ACTR3: variants seen among roughly 807,000 people sequenced by gnomAD.
The protein encoded by ACTR3 is actin related protein 3, also known as actin-related protein 3.
Under a neutral mutation model 56.8 loss-of-function variants are expected in ACTR3, and 12 were observed. The observed-to-expected ratio is 0.21, with a 90% CI of 0.14 to 0.34. The LOEUF (loss-of-function observed/expected upper bound fraction) is 0.34, where lower values mean the gene tolerates loss of function less well. ACTR3 is among the 10% of genes least tolerant of loss of function. ACTR3 has a pLI of 1.00. For missense variants in ACTR3, 282 were observed against 512.5 expected (o/e 0.55, Z 4.34); for synonymous variants, 162 against 167.4 (o/e 0.97, Z 0.25).
chr2:113,895,440 T>C (rs1282318818), intron 1 of ACTR3, among the ~76,000 whole-genome samples: 1 of 152,138 alleles, frequency 6.6e-6, no homozygotes, highest in African/African-American at 2.4e-5. Flanking sequence ...GTTGTATGAA[T>C]GAATGAACAA....
chr2:113,928,715 T>C (rs1574369290), intron 4 of ACTR3, among the ~76,000 whole-genome samples: 1 of 143,914 alleles, frequency 6.9e-6, no homozygotes, highest in South Asian at 2.2e-4. Flanking sequence ...TTTTTTTTTT[T>C]ACCAAAACAG....
intron 8 of ACTR3, among the ~76,000 whole-genome samples, chr2:113,948,032 CTTTCTCTTGTTTTGTA>C (rs1444184255): frequency 1.3e-5 from 2 of 152,080 alleles, no homozygotes; most frequent in East Asian, 3.9e-4. Flanking sequence ...CTGCATGTTT[CTTTCTCTTGTTTTGTA>C]TTTCTAGAGG....
At chr2:113,942,845 TAAG>T (rs1679949560) in intron 8 of ACTR3, among the ~76,000 whole-genome samples, 1 of 152,170 alleles carries the variant, frequency 6.6e-6, no homozygotes, top group African/African-American at 2.4e-5. Flanking sequence ...TTTATTAAAT[TAAG>T]AAATACATAC....
rs139721258 is a variant in ACTR3 at position 113,923,318 on chromosome 2, A to ATTTGTTTG, written c.226-3999_226-3992dup. Among the ~76,000 whole-genome samples the ATTTGTTTG allele has an allele frequency of 5.3e-3, 290 of 54,746 alleles. 1 individual carries two copies. Among genetic ancestry groups the ATTTGTTTG allele is most frequent in the African/African-American group, 9.7e-3 (263 of 27,092 alleles). The allele number at this position is 54,746 out of a possible 152,430, so 35.9% of individuals were successfully genotyped here. ...AATGGTTATCTTCCTAACATGGAAT[A>ATTTGTTTG]TTTGTTTGTTTGTTTGTTTGTTTGT... On this transcript the variant is annotated intron_variant, in intron 3 of 11. Transcript: ENST00000263238.
intron 1 of ACTR3, among the ~76,000 whole-genome samples, chr2:113,900,972 T>C (rs968253485): frequency 6.6e-6 from 1 of 152,248 alleles, no homozygotes; most frequent in African/African-American, 2.4e-5. Flanking sequence ...ATAGCTAATA[T>C]TGTCTTACTC....
intron 4 of ACTR3, 57 bp from the exon 5 acceptor site, chr2:113,931,244 A>T: frequency 9.1e-7 from 1 of 1,100,406 alleles, no homozygotes. Context: ...AAAATTGTCA[A>T]GAAAGTTATC....
chr2:113,935,530 A>G (rs958453688), intron 6 of ACTR3, among the ~76,000 whole-genome samples: 11 of 152,216 alleles, frequency 7.2e-5, no homozygotes, highest in Admixed American at 6.5e-5. Flanking sequence ...TTTAGCACGT[A>G]TAGTATTTCA....
chr2:113,903,120 T>G (rs1427733671), intron 1 of ACTR3, among the ~76,000 whole-genome samples: 3 of 152,238 alleles, frequency 2.0e-5, no homozygotes, highest in Non-Finnish European at 4.4e-5. Context: ...GAAACTTGTA[T>G]ACATTGATCA....
intron 3 of ACTR3, among the ~76,000 whole-genome samples, chr2:113,925,222 G>A (rs1679595535): frequency 7.3e-6 from 1 of 136,526 alleles, no homozygotes; most frequent in Admixed American, 7.7e-5. Flanking sequence ...TGGAGACAGA[G>A]TCTTACTCTA....
At position 113,890,311 on chromosome 2, in the gene ACTR3, A is replaced by G; in HGVS notation, c.32A>G (p.Asp11Gly). ...GGACGGCTGCCGGCCTGTGTGGTGGACTGTGGCACGGGGTAAGGGGGCTTA... is the reference window on the plus strand; with the variant it reads ...GGACGGCTGCCGGCCTGTGTGGTGGGCTGTGGCACGGGGTAAGGGGGCTTA... MAGRLPACVV[D>G]CGTGYTKLGY... Residue 11 changes from aspartate (D) to glycine (G), a missense_variant, in exon 1 of 12, where the codon GAC becomes GGC. Transcript: ENST00000263238. 1 of 1,396,122 alleles carries G rather than the reference A, an allele frequency of 7.2e-7. No individual in the cohort carries two copies. 86.5% of individuals were successfully genotyped at this position (1,396,122 alleles called of 1,614,324 possible). A position where few individuals can be genotyped will look rare whatever the true frequency, so the allele number is the denominator to read the frequency against.
chr2:113,912,488 T>C (rs1679326163), intron 1 of ACTR3, among the ~76,000 whole-genome samples: 1 of 152,312 alleles, frequency 6.6e-6, no homozygotes, highest in Admixed American at 6.5e-5. Context: ...GACAAAACAT[T>C]AAATCTTATA....
intron 8 of ACTR3, among the ~76,000 whole-genome samples, chr2:113,943,213 T>C (rs1679956531): frequency 6.6e-6 from 1 of 152,126 alleles, no homozygotes; most frequent in South Asian, 2.1e-4. Context: ...TCAGGGGAGA[T>C]AATGGTTGAA....
chr2:113,951,617 T>G (rs1680121918), intron 9 of ACTR3, 46 bp downstream of exon 9: 2 of 1,552,348 alleles, frequency 1.3e-6, no homozygotes, highest in Admixed American at 1.7e-5. Flanking sequence ...TTAAAAAAAC[T>G]TAAACACCTC....
rs577937455 is a variant in ACTR3 at position 113,927,159 on chromosome 2, G to T, written c.226-186G>T. Among the ~76,000 whole-genome samples, 23 of 152,250 alleles carry T rather than the reference G, an allele frequency of 1.5e-4. No individual in the cohort carries two copies. In the Middle Eastern group the frequency reaches 0.01, roughly 68 times the overall value. ...TTTATTGAACCATCCATCTGACAATGCGTTATTGAACTAATTTATCTTTAA... is the reference window on the plus strand; with the variant it reads ...TTTATTGAACCATCCATCTGACAATTCGTTATTGAACTAATTTATCTTTAA... On this transcript the variant is annotated intron_variant, in intron 3 of 11. Transcript: ENST00000263238.
chr2:113,897,401 T>C (rs539167018), intron 1 of ACTR3, among the ~76,000 whole-genome samples: 33 of 152,176 alleles, frequency 2.2e-4, no homozygotes, highest in African/African-American at 7.7e-4. Context: ...ATTTTAATAA[T>C]AATTTTGTTT....
chr2:113,922,670 G>T (rs1679532919), intron 3 of ACTR3, among the ~76,000 whole-genome samples: 1 of 152,220 alleles, frequency 6.6e-6, no homozygotes, highest in East Asian at 1.9e-4. Context: ...TGCTTCTGCG[G>T]TATAATCAGC....
chr2:113,901,715 G>A (rs1273264216), intron 1 of ACTR3, among the ~76,000 whole-genome samples: 1 of 152,072 alleles, frequency 6.6e-6, no homozygotes, highest in Admixed American at 6.5e-5. Context: ...CATTTCATTT[G>A]TTGAACTATT....
chr2:113,920,042 G>A (rs1679478543), intron 3 of ACTR3, among the ~76,000 whole-genome samples: 1 of 152,218 alleles, frequency 6.6e-6, no homozygotes, highest in African/African-American at 2.4e-5. Context: ...TCCTGCTTCA[G>A]CCTCCTGAGT....
chr2:113,890,460 G>A (rs2104574120), intron 1 of ACTR3, 137 bp downstream of exon 1: 2 of 1,283,306 alleles, frequency 1.6e-6, no homozygotes, highest in South Asian at 3.1e-5. Context: ...CGGCCAGCGA[G>A]GGGTGGGGCC....
Sources: gnomAD v4.1 joint callset for allele counts (sites outside exome capture counted in the v4.1 genomes callset) on GRCh38, gnomAD v4.1.1 for gene constraint, MANE v1.5 for transcripts, NCBI Gene and HGNC (gene_info 2026-07-23, HGNC 2026-07-21) for gene names.